Variants in ABCC4 observed in about 807,000 individuals in gnomAD.
ABCC4 encodes ATP binding cassette subfamily C member 4 (PEL blood group).
Under a neutral mutation model 168.5 loss-of-function variants are expected in ABCC4, and 102 were observed. That is an observed-to-expected ratio of 0.61 (90% confidence interval 0.52 to 0.71). The LOEUF (loss-of-function observed/expected upper bound fraction) is 0.71, where lower values mean the gene tolerates loss of function less well. Ranked by LOEUF, ABCC4 falls within the 30% of genes least tolerant of loss-of-function variation. The probability of loss-of-function intolerance (pLI) is 0.00; values close to 1 mark genes in which losing one functional copy is unlikely to be tolerated. For synonymous variants in ABCC4, 617 were observed against 590.7 expected (o/e 1.04, Z -0.65); for missense variants, 1,402 against 1,605.8 (o/e 0.87, Z 2.17).
At chr13:95,233,871 A>T (rs1387147685) in intron 4 of ABCC4, among the ~76,000 whole-genome samples, 1 of 152,204 alleles carries the variant, frequency 6.6e-6, no homozygotes, top group Non-Finnish European at 1.5e-5. Context: ...CATAAAATAG[A>T]AACACTATAA....
At chr13:95,030,872 T>C (rs1228522746) in intron 30 of ABCC4, among the ~76,000 whole-genome samples, 1 of 152,224 alleles carries the variant, frequency 6.6e-6, no homozygotes, top group African/African-American at 2.4e-5. Flanking sequence ...AATTATGCAA[T>C]TTAAATTTAC....
intron 20 of ABCC4, among the ~76,000 whole-genome samples, chr13:95,111,170 CTTT>C (rs2035192347): frequency 6.6e-6 from 1 of 152,118 alleles, no homozygotes; most frequent in Admixed American, 6.5e-5. Context: ...TATTTCAATT[CTTT>C]ATGAAAACAA....
At chr13:95,213,597 T>C (rs776499277) in intron 4 of ABCC4, among the ~76,000 whole-genome samples, 6 of 141,862 alleles carry the variant, frequency 4.2e-5, no homozygotes, top group Admixed American at 7.2e-5. Flanking sequence ...CAGTAGGAGA[T>C]GCCGCCCGAG....
At chr13:95,108,007 A>G (rs2035067938) in intron 20 of ABCC4, among the ~76,000 whole-genome samples, 1 of 152,204 alleles carries the variant, frequency 6.6e-6, no homozygotes, top group Non-Finnish European at 1.5e-5. Flanking sequence ...GCTCATATCT[A>G]AAAAACAGTC....
Position 95,286,123 on chromosome 13 carries a change from C to CTTTTTTTTTTTTTTTTTT in ABCC4, c.74+15117_74+15118insAAAAAAAAAAAAAAAAAA, listed in dbSNP as rs773328777. ...GCTGTGAAACTGCTTTCCAGAAAAA[C>CTTTTTTTTTTTTTTTTTT]TTTTTTTTTTTTTTGAGACGGAGTC... On this transcript the variant is annotated intron_variant, in intron 1 of 30. Coordinates refer to ENST00000645237, the MANE Select transcript of ABCC4 (RefSeq NM_005845.5). Among the ~76,000 whole-genome samples the CTTTTTTTTTTTTTTTTTT allele has an allele frequency of 1.4e-3, 152 of 105,526 alleles. 10 individuals carry two copies. The highest frequency in any genetic ancestry group is 1.5e-3 in the South Asian group (4 of 2,646). The allele number at this position is 105,526 out of a possible 152,430, so 69.2% of individuals were successfully genotyped here.
intron 8 of ABCC4, among the ~76,000 whole-genome samples, chr13:95,197,668 A>C (rs1482088647): frequency 4.6e-5 from 7 of 152,218 alleles, no homozygotes; most frequent in Non-Finnish European, 8.8e-5. Flanking sequence ...GCAGAACTGA[A>C]GTCAAAGAGA....
intron 30 of ABCC4, among the ~76,000 whole-genome samples, chr13:95,025,916 T>C (rs1315629949): frequency 6.6e-6 from 1 of 151,746 alleles, no homozygotes; most frequent in Non-Finnish European, 1.5e-5. Context: ...AAAAGAAAAG[T>C]GAAAATATCA....
At chr13:95,149,996 G>A (rs951608740) in intron 19 of ABCC4, among the ~76,000 whole-genome samples, 8 of 152,158 alleles carry the variant, frequency 5.3e-5, no homozygotes, top group Admixed American at 5.2e-4. Flanking sequence ...TTTAGAGACA[G>A]GGTCTCATTC....
intron 11 of ABCC4, among the ~76,000 whole-genome samples, chr13:95,179,964 T>A (rs190443189): frequency 3.3e-5 from 5 of 152,312 alleles, no homozygotes; most frequent in Admixed American, 2.6e-4. Flanking sequence ...CTGAGTTCAT[T>A]ATCATTTGCT....
At chr13:95,262,992 C>T (rs1172468859) in intron 1 of ABCC4, among the ~76,000 whole-genome samples, 1 of 152,146 alleles carries the variant, frequency 6.6e-6, no homozygotes, top group African/African-American at 2.4e-5. Flanking sequence ...TTCTTGTGGG[C>T]TGTTCAGTAC....
intron 30 of ABCC4, among the ~76,000 whole-genome samples, 164 bp from the exon 31 acceptor site, chr13:95,021,846 C>A (rs938415175): frequency 6.6e-6 from 1 of 152,170 alleles, no homozygotes; most frequent in Non-Finnish European, 1.5e-5. Context: ...GAGAAATTAG[C>A]CCCACTAAAA....
chr13:95,228,900 G>GA lies in ABCC4; in HGVS notation c.531+5709dup, dbSNP rs199640371. Among the ~76,000 whole-genome samples the GA allele has an allele frequency of 2.4e-3, 365 of 149,878 alleles. 2 individuals carry two copies. The highest frequency in any genetic ancestry group is 6.7e-3 in the African/African-American group (272 of 40,898). On this transcript the variant is annotated intron_variant, in intron 4 of 30. Transcript: ENST00000645237. ...CATAGGGAGACCCTGTCTCTTTAAA[G>GA]AAAAAAAAAGGAAATGGTCAAGAGG...
chr13:95,032,626 A>G (rs1410623557), intron 30 of ABCC4, among the ~76,000 whole-genome samples: 2 of 152,110 alleles, frequency 1.3e-5, no homozygotes, highest in East Asian at 3.9e-4. Flanking sequence ...TCTTTAATAC[A>G]GAAATACCAT....
At chr13:95,125,916 T>C (rs2035742687) in intron 19 of ABCC4, among the ~76,000 whole-genome samples, 1 of 152,082 alleles carries the variant, frequency 6.6e-6, no homozygotes, top group African/African-American at 2.4e-5. Context: ...ATCCAGAAGG[T>C]ACAGATCCCT....
At chr13:95,033,083 C>T (rs558914020) in intron 30 of ABCC4, among the ~76,000 whole-genome samples, 6 of 151,198 alleles carry the variant, frequency 4.0e-5, no homozygotes, top group African/African-American at 1.5e-4. Flanking sequence ...GATTTTCCTG[C>T]CTCAGTCTCC....
intron 14 of ABCC4, among the ~76,000 whole-genome samples, chr13:95,168,340 A>G (rs1428768496): frequency 6.6e-6 from 1 of 152,174 alleles, no homozygotes; most frequent in Non-Finnish European, 1.5e-5. Context: ...AAGAGCCAGC[A>G]CACGGAACCA....
intron 20 of ABCC4, among the ~76,000 whole-genome samples, chr13:95,110,035 G>A (rs548657632): frequency 2.0e-4 from 30 of 152,282 alleles, no homozygotes; most frequent in South Asian, 6.2e-4. Context: ...TTGGCCAGGC[G>A]TGATGGCGCA....
intron 1 of ABCC4, among the ~76,000 whole-genome samples, chr13:95,250,525 T>C (rs905238247): frequency 1.3e-5 from 2 of 152,114 alleles, no homozygotes; most frequent in African/African-American, 4.8e-5. Context: ...TAAAATTCAA[T>C]ACAAACTCAA....
chr13:95,181,033 G>A (rs574516935), intron 11 of ABCC4, among the ~76,000 whole-genome samples: 2 of 152,318 alleles, frequency 1.3e-5, no homozygotes, highest in South Asian at 2.1e-4. Context: ...TGGCTAAAGG[G>A]AAACAGTTGA....
Sources: gnomAD v4.1 joint callset for allele counts (sites outside exome capture counted in the v4.1 genomes callset) on GRCh38, gnomAD v4.1.1 for gene constraint, MANE v1.5 for transcripts, NCBI Gene and HGNC (gene_info 2026-07-23, HGNC 2026-07-21) for gene names.